KDM1A: variants seen among roughly 807,000 people sequenced by gnomAD.
KDM1A encodes the protein lysine demethylase 1A, also known as lysine-specific histone demethylase 1A.
In KDM1A, 49 loss-of-function variants were observed where a neutral mutation model predicts 109.4. The ratio of observed to expected loss-of-function variants is 0.45; its 90% CI spans 0.36 to 0.57. The LOEUF is 0.57. Among genes scored for constraint, KDM1A ranks in the 20% least tolerant of loss-of-function variants. The probability of loss-of-function intolerance (pLI) is 0.00; values close to 1 mark genes in which losing one functional copy is unlikely to be tolerated. For missense variants in KDM1A, 668 were observed against 1,116.6 expected (o/e 0.60, Z 5.73); for synonymous variants, 380 against 415.4 (o/e 0.91, Z 1.04).
At chr1:23,046,361 G>C (rs561018628) in intron 3 of KDM1A, among the ~76,000 whole-genome samples, 1 of 152,030 alleles carries the variant, frequency 6.6e-6, no homozygotes, top group Non-Finnish European at 1.5e-5. Context: ...TCTAGGACTT[G>C]ATATGATACA....
chr1:23,030,327 A>G (rs1641945681), intron 1 of KDM1A, 142 bp from the exon 2 acceptor site: 2 of 529,166 alleles, frequency 3.8e-6, no homozygotes, highest in Non-Finnish European at 6.2e-6. Flanking sequence ...ACTACCTATT[A>G]TGAGCTGCCT....
At chr1:23,080,719 C>T (rs1643595053) in intron 18 of KDM1A, among the ~76,000 whole-genome samples, 1 of 152,246 alleles carries the variant, frequency 6.6e-6, no homozygotes, top group Non-Finnish European at 1.5e-5. Context: ...CCCACCCCCT[C>T]GACCCCCTTC....
rs1170657147 is a variant in KDM1A at position 23,019,738 on chromosome 1, G to T, written c.142G>T (p.Ala48Ser). The T allele has an allele frequency of 5.8e-5, 77 of 1,334,816 alleles. No homozygotes were observed. The East Asian group carries it at 2.4e-3, about 42-fold the overall frequency. The allele number at this position is 1,334,816 out of a possible 1,614,324, so 82.7% of individuals were successfully genotyped here. Residue 48 changes from alanine (A) to serine (S), a missense_variant, in exon 1 of 21, where the codon GCC becomes TCC. Transcript: ENST00000400181. ...GCAGCCCGCGGGCCTGTCGGGCCCA[G>T]CCGAGGTCGGGCCGGGGGCGGTGGG... Reference protein sequence around the residue: ...AAQPAGLSGPAEVGPGAVGER... With the variant: ...AAQPAGLSGPSEVGPGAVGER...
chr1:23,080,056 C>A (rs1643573430), intron 18 of KDM1A, among the ~76,000 whole-genome samples: 1 of 152,228 alleles, frequency 6.6e-6, no homozygotes, highest in Non-Finnish European at 1.5e-5. Flanking sequence ...TATGAAATTC[C>A]TACCTCCTGT....
intron 1 of KDM1A, among the ~76,000 whole-genome samples, chr1:23,024,443 T>C (rs1300412873): frequency 6.6e-6 from 1 of 152,220 alleles, no homozygotes; most frequent in Non-Finnish European, 1.5e-5. Context: ...GCATGTATTT[T>C]ATGACTTGGG....
chr1:23,034,236 A>G (rs1440167247), intron 2 of KDM1A, among the ~76,000 whole-genome samples: 2 of 152,276 alleles, frequency 1.3e-5, no homozygotes, highest in African/African-American at 2.4e-5. Context: ...TATACTTACT[A>G]TACTTTTGAA....
intron 18 of KDM1A, among the ~76,000 whole-genome samples, chr1:23,080,698 G>C (rs80072016): frequency 1.3e-5 from 2 of 152,124 alleles, no homozygotes; most frequent in South Asian, 2.1e-4. Context: ...AGGCCTGGGG[G>C]TGCTGCTTCT....
chr1:23,019,696 G>C lies in KDM1A; in HGVS notation c.100G>C (p.Gly34Arg), dbSNP rs886904176. Residue 34 changes from glycine to arginine, a missense_variant, in exon 1 of 21, where the codon GGG becomes CGG. By Grantham distance (125) the Gly-to-Arg change is moderately radical. Transcript: ENST00000400181. ...GPGTAGGSEN[G>R]SEVAAQPAGL... The stretch of plus-strand genomic sequence containing the variant: ...TGGGACAGCAGGCGGCTCCGAGAAC[G>C]GGTCTGAGGTGGCCGCGCAGCCCGC... 1.5e-6 allele frequency: 2 copies of C among 1,315,894 alleles called. No homozygotes were observed. Among genetic ancestry groups the C allele is most frequent in the African/African-American group, 3.1e-5 (2 of 64,676 alleles). 81.5% of individuals were successfully genotyped at this position (1,315,894 alleles called of 1,614,324 possible). A position where few individuals can be genotyped will look rare whatever the true frequency, so the allele number is the denominator to read the frequency against.
chr1:23,042,026 A>G (rs1478745167), intron 2 of KDM1A, among the ~76,000 whole-genome samples: 1 of 152,110 alleles, frequency 6.6e-6, no homozygotes, highest in African/African-American at 2.4e-5. Context: ...GTCAAGAGCT[A>G]CCTGTAGCTT....
At chr1:23,030,427 T>C (rs748286629) in intron 1 of KDM1A, 42 bp from the exon 2 acceptor site, 2 of 1,386,600 alleles carry the variant, frequency 1.4e-6, no homozygotes, top group South Asian at 1.9e-5. Flanking sequence ...TAATTTTAAA[T>C]GTTCACTGCA....
At chr1:23,034,234 C>T (rs1642075810) in intron 2 of KDM1A, among the ~76,000 whole-genome samples, 1 of 152,136 alleles carries the variant, frequency 6.6e-6, no homozygotes, top group Admixed American at 6.5e-5. Flanking sequence ...TTTATACTTA[C>T]TATACTTTTG....
chr1:23,032,015 T>C (rs1641998873), intron 2 of KDM1A, among the ~76,000 whole-genome samples: 1 of 152,190 alleles, frequency 6.6e-6, no homozygotes, highest in South Asian at 2.1e-4. Context: ...TTTAGCTCTC[T>C]TCCTTCTGTT....
intron 9 of KDM1A, among the ~76,000 whole-genome samples, chr1:23,062,668 C>CT (rs1643032464): frequency 6.6e-6 from 1 of 152,172 alleles, no homozygotes; most frequent in Admixed American, 6.5e-5. Context: ...GTTTACCTCT[C>CT]TGTTCTCTCT....
chr1:23,057,406 A>G (rs1642862893), intron 7 of KDM1A, 78 bp from the exon 8 acceptor site: 1 of 1,019,400 alleles, frequency 9.8e-7, no homozygotes, highest in South Asian at 1.3e-5. Flanking sequence ...TATAGAAGAC[A>G]GAGCCGTGGT....
At chr1:23,062,731 C>T (rs546660380) in intron 9 of KDM1A, among the ~76,000 whole-genome samples, 4 of 152,176 alleles carry the variant, frequency 2.6e-5, no homozygotes, top group South Asian at 2.1e-4. Flanking sequence ...TGACAAGGGA[C>T]GTTTATTTTA....
chr1:23,067,520 A>G (rs916406822), intron 10 of KDM1A, among the ~76,000 whole-genome samples: 2 of 152,212 alleles, frequency 1.3e-5, no homozygotes, highest in Non-Finnish European at 2.9e-5. Flanking sequence ...CTCTGATTGT[A>G]AAAGGTCGCT....
At chr1:23,037,763 A>T (rs1642193193) in intron 2 of KDM1A, among the ~76,000 whole-genome samples, 1 of 152,244 alleles carries the variant, frequency 6.6e-6, no homozygotes, top group African/African-American at 2.4e-5. Context: ...TTGGTCGATA[A>T]GAACCCTTGA....
intron 1 of KDM1A, among the ~76,000 whole-genome samples, chr1:23,022,291 A>G (rs977318835): frequency 2.0e-5 from 3 of 151,438 alleles, no homozygotes; most frequent in Non-Finnish European, 4.4e-5. Context: ...TAGTAAATAT[A>G]TGAGGGTTCC....
At chr1:23,060,129 C>G (rs1208037301) in intron 9 of KDM1A, among the ~76,000 whole-genome samples, 2 of 152,120 alleles carry the variant, frequency 1.3e-5, no homozygotes, top group Non-Finnish European at 2.9e-5. Flanking sequence ...TAACAGGAGG[C>G]TTCTTGCAGA....
Sources: gnomAD v4.1 joint callset for allele counts (sites outside exome capture counted in the v4.1 genomes callset) on GRCh38, gnomAD v4.1.1 for gene constraint, MANE v1.5 for transcripts, NCBI Gene and HGNC (gene_info 2026-07-23, HGNC 2026-07-21) for gene names.